CAMKMT: variants seen among roughly 807,000 people sequenced by gnomAD.
CAMKMT encodes the protein CaM KMT.
Under a neutral mutation model 48.0 loss-of-function variants are expected in CAMKMT, and 53 were observed. The observed-to-expected ratio is 1.10, with a 90% confidence interval of 0.89 to 1.39. CAMKMT has a LOEUF of 1.39. Ranked by LOEUF, CAMKMT falls within the 40% of genes most tolerant of loss-of-function variation. The pLI is 0.00. For synonymous variants in CAMKMT, 165 were observed against 152.3 expected (o/e 1.08, Z -0.61); for missense variants, 428 against 402.7 (o/e 1.06, Z -0.54).
intron 3 of CAMKMT, among the ~76,000 whole-genome samples, chr2:44,453,474 A>G (rs998743753): frequency 1.3e-4 from 20 of 152,232 alleles, no homozygotes; most frequent in African/African-American, 4.6e-4. Context: ...ATACAGGTTC[A>G]GTGCTGTAGT....
intron 3 of CAMKMT, among the ~76,000 whole-genome samples, chr2:44,614,483 C>T (rs1023226492): frequency 2.0e-5 from 3 of 152,116 alleles, no homozygotes; most frequent in Admixed American, 6.5e-5. Context: ...GGAGATACAC[C>T]AGAGAGCAAA....
intron 3 of CAMKMT, among the ~76,000 whole-genome samples, chr2:44,637,578 A>G (rs1485483201): frequency 1.3e-5 from 2 of 151,894 alleles, no homozygotes; most frequent in African/African-American, 2.4e-5. Flanking sequence ...AAAAATATGT[A>G]TAATTTTAAT....
chr2:44,467,343 C>G (rs1668172599), intron 3 of CAMKMT, among the ~76,000 whole-genome samples: 2 of 151,288 alleles, frequency 1.3e-5, no homozygotes, highest in East Asian at 3.9e-4. Context: ...ACCAGCCTGG[C>G]CAACATGGTG....
intron 3 of CAMKMT, chr2:44,456,564 T>G (rs1371582598): frequency 6.5e-7 from 1 of 1,549,720 alleles, no homozygotes; most frequent in Non-Finnish European, 8.7e-7. Context: ...CCTTTCTCTT[T>G]TAGGGGAAGC....
chr2:44,593,125 G>C (rs993420901), intron 3 of CAMKMT, among the ~76,000 whole-genome samples: 2 of 152,140 alleles, frequency 1.3e-5, no homozygotes, highest in African/African-American at 4.8e-5. Flanking sequence ...GATTTGTTAG[G>C]TGGGACCAGC....
intron 3 of CAMKMT, among the ~76,000 whole-genome samples, chr2:44,573,124 T>C (rs1669015279): frequency 6.6e-6 from 1 of 152,086 alleles, no homozygotes; most frequent in Admixed American, 6.6e-5. Flanking sequence ...ATCTTAGTAA[T>C]AGTAATCTTT....
intron 3 of CAMKMT, among the ~76,000 whole-genome samples, chr2:44,574,826 C>T (rs1326525158): frequency 6.6e-6 from 1 of 151,954 alleles, no homozygotes. Context: ...CAGCAACCTC[C>T]ATCTCCCAGG....
intron 1 of CAMKMT, among the ~76,000 whole-genome samples, chr2:44,371,598 C>T (rs1460495505): frequency 1.3e-5 from 2 of 152,074 alleles, no homozygotes; most frequent in Non-Finnish European, 2.9e-5. Flanking sequence ...ATATATAAAG[C>T]TAGAGAGAAC....
At chr2:44,399,241 T>C (rs1417741992) in intron 3 of CAMKMT, among the ~76,000 whole-genome samples, 2 of 152,198 alleles carry the variant, frequency 1.3e-5, no homozygotes, top group Non-Finnish European at 2.9e-5. Flanking sequence ...TACAAAAAAG[T>C]ATTGTTTTTA....
chr2:44,391,842 G>T (rs549187947), intron 3 of CAMKMT: 1 of 153,086 alleles, frequency 6.5e-6, no homozygotes, highest in Non-Finnish European at 1.5e-5. Context: ...CGGAAATATT[G>T]CATATTCAGG....
chr2:44,660,390 C>T (rs1258013671), intron 3 of CAMKMT, among the ~76,000 whole-genome samples: 1 of 152,208 alleles, frequency 6.6e-6, no homozygotes, highest in Non-Finnish European at 1.5e-5. Flanking sequence ...GTCTGGACTA[C>T]ACTTTGAGAA....
At chr2:44,439,590 G>A (rs1666509437) in intron 3 of CAMKMT, among the ~76,000 whole-genome samples, 1 of 152,054 alleles carries the variant, frequency 6.6e-6, no homozygotes, top group African/African-American at 2.4e-5. Context: ...TGTAATCCCA[G>A]CACTTTGGGA....
At chr2:44,472,858 T>C (rs1353249268) in intron 3 of CAMKMT, among the ~76,000 whole-genome samples, 1 of 152,264 alleles carries the variant, frequency 6.6e-6, no homozygotes, top group African/African-American at 2.4e-5. Context: ...ATTTAATGTC[T>C]TCTTATATAA....
intron 3 of CAMKMT, among the ~76,000 whole-genome samples, chr2:44,609,893 T>C (rs1318476532): frequency 6.6e-6 from 1 of 152,180 alleles, no homozygotes; most frequent in Non-Finnish European, 1.5e-5. Context: ...TCAGATGTGC[T>C]GGGGTGGAAA....
intron 3 of CAMKMT, among the ~76,000 whole-genome samples, chr2:44,458,671 C>T (rs944748291): frequency 3.3e-5 from 5 of 152,050 alleles, no homozygotes; most frequent in African/African-American, 1.2e-4. Flanking sequence ...ATTTTTAATC[C>T]AACAACCAGC....
chr2:44,505,874 A>G (rs1431539869), intron 3 of CAMKMT, among the ~76,000 whole-genome samples: 1 of 87,212 alleles, frequency 1.1e-5, no homozygotes, highest in South Asian at 3.9e-4. Flanking sequence ...TTATTTATTT[A>G]TTTATTTATT....
chr2:44,561,896 C>A (rs1362503234), intron 3 of CAMKMT, among the ~76,000 whole-genome samples: 2 of 152,118 alleles, frequency 1.3e-5, no homozygotes, highest in Admixed American at 6.6e-5. Context: ...TCAAGGAAAT[C>A]ACTAGGCGAT....
At chr2:44,627,140 C>T (rs1237728066) in intron 3 of CAMKMT, among the ~76,000 whole-genome samples, 1 of 152,044 alleles carries the variant, frequency 6.6e-6, no homozygotes, top group Non-Finnish European at 1.5e-5. Context: ...TAGCTTTTCT[C>T]CTTTACTTTG....
At chr2:44,622,142 T>G (rs923425593) in intron 3 of CAMKMT, among the ~76,000 whole-genome samples, 6 of 152,166 alleles carry the variant, frequency 3.9e-5, no homozygotes, top group African/African-American at 1.4e-4. Flanking sequence ...TAAGGAATAA[T>G]ACAAGGTCAA....
Sources: allele counts gnomAD v4.1 joint callset (sites outside exome capture counted in the v4.1 genomes callset), GRCh38; gene constraint gnomAD v4.1.1; transcripts MANE v1.5; gene names NCBI Gene and HGNC (gene_info 2026-07-23, HGNC 2026-07-21).